The following KLHDC4 variants were observed in gnomAD, a reference collection of about 807,000 sequenced individuals.
KLHDC4 encodes kelch domain containing 4.
In KLHDC4, 90 loss-of-function variants were observed where a neutral mutation model predicts 62.4. That is an observed-to-expected ratio of 1.44 (90% CI 1.22 to 1.72). The LOEUF is 1.72. Among genes scored for constraint, KLHDC4 ranks in the 40% most tolerant of loss-of-function variants. KLHDC4 has a pLI of 0.00. For synonymous variants in KLHDC4, 386 were observed against 284.4 expected, an observed-to-expected ratio of 1.36 and a Z score of -3.59; for missense variants, 1,025 against 699.7, an observed-to-expected ratio of 1.47 and a Z score of -5.25.
At chr16:87,718,842 G>A (rs999105261) in intron 7 of KLHDC4, among the ~76,000 whole-genome samples, 44 of 150,716 alleles carry the variant, frequency 2.9e-4, no homozygotes, top group African/African-American at 8.8e-4. Flanking sequence ...CCGCCGCCCC[G>A]TCTGGGATGT....
chr16:87,750,046 A>G (rs1414583177), intron 4 of KLHDC4, among the ~76,000 whole-genome samples: 1 of 152,186 alleles, frequency 6.6e-6, no homozygotes, highest in East Asian at 1.9e-4. Context: ...CTGACGGGTC[A>G]TCAGACACCA....
intron 13 of KLHDC4, chr16:87,702,359 A>AGGGGCAGG (rs2034183937): frequency 2.3e-6 from 1 of 444,096 alleles, no homozygotes; most frequent in African/African-American, 2.0e-5. Flanking sequence ...GTGAGGGTGC[A>AGGGGCAGG]GGGGCAGGGG....
chr16:87,737,309 CA>C (rs892401896), intron 5 of KLHDC4, among the ~76,000 whole-genome samples: 3 of 151,886 alleles, frequency 2.0e-5, no homozygotes, highest in Non-Finnish European at 2.9e-5. Context: ...TACCCTAGGC[CA>C]GGGGCGGTGG....
At chr16:87,756,257 C>G in intron 3 of KLHDC4, 142 bp downstream of exon 3, 1 of 619,062 alleles carries the variant, frequency 1.6e-6, no homozygotes, top group Non-Finnish European at 2.9e-6. Context: ...CTGGCGACGT[C>G]TCACATCAGG....
intron 7 of KLHDC4, among the ~76,000 whole-genome samples, chr16:87,716,754 A>T (rs1427594827): frequency 6.6e-6 from 1 of 151,982 alleles, no homozygotes; most frequent in East Asian, 1.9e-4. Flanking sequence ...ACACGATGAA[A>T]CCCCATCTCT....
intron 5 of KLHDC4, among the ~76,000 whole-genome samples, chr16:87,743,890 C>G (rs541089331): frequency 1.3e-5 from 2 of 152,172 alleles, no homozygotes; most frequent in Admixed American, 6.5e-5. Context: ...CACAATGCTC[C>G]CGATGGGGAG....
chr16:87,707,289 T>A (rs76394369), downstream of KLHDC4, among the ~76,000 whole-genome samples: 1 of 152,328 alleles, frequency 6.6e-6, no homozygotes, highest in African/African-American at 2.4e-5. Flanking sequence ...TGTGGGGACG[T>A]TGGGAGCCCT....
chr16:87,757,118 A>C (rs879794835), intron 2 of KLHDC4, among the ~76,000 whole-genome samples: 1 of 151,872 alleles, frequency 6.6e-6, no homozygotes, highest in Non-Finnish European at 1.5e-5. Flanking sequence ...CCTGGACCTC[A>C]GAACTGTCCT....
At chr16:87,718,991 G>T (rs1358946769) in intron 7 of KLHDC4, among the ~76,000 whole-genome samples, 4 of 151,736 alleles carry the variant, frequency 2.6e-5, no homozygotes, top group East Asian at 2.0e-4. Context: ...CCGCCCGGCA[G>T]CCGCCCCCTC....
chr16:87,748,047 A>T (rs1201114586), intron 5 of KLHDC4, among the ~76,000 whole-genome samples: 1 of 152,158 alleles, frequency 6.6e-6, no homozygotes, highest in Non-Finnish European at 1.5e-5. Context: ...ATTCGACTAG[A>T]CTTCTTCTCT....
chr16:87,726,756 C>G lies in KLHDC4; in HGVS notation c.759+9G>C, dbSNP rs112664352. On this transcript the variant is annotated intron_variant, in intron 7 of 11. Coordinates refer to ENST00000270583, the MANE Select transcript of KLHDC4 (RefSeq NM_017566.4). ...CACGCCTTGCCTGTTTCCCCACCCC[C>G]CGCCTTACCTGTTTCGAGTAGCCCC... is the stretch of plus-strand genomic sequence containing the variant. The G allele has an allele frequency of 1.4e-3, 2,117 of 1,546,142 alleles. 41 individuals are homozygous for G. The South Asian group carries it at 0.024, about 17-fold the overall frequency.
intron 6 of KLHDC4, among the ~76,000 whole-genome samples, 196 bp from the exon 7 acceptor site, chr16:87,727,120 C>T (rs114631552): frequency 1.2e-3 from 180 of 152,276 alleles, no homozygotes; most frequent in African/African-American, 4.2e-3. Flanking sequence ...GAGCCAGAGA[C>T]GCCAGTCAGG....
intron 8 of KLHDC4, among the ~76,000 whole-genome samples, chr16:87,713,448 T>C (rs559372540): frequency 1.3e-5 from 2 of 152,046 alleles, no homozygotes; most frequent in East Asian, 3.9e-4. Context: ...TCCTCCCACC[T>C]CAGCCTCCCA....
At chr16:87,764,307 A>G (rs759211428) in intron 1 of KLHDC4, among the ~76,000 whole-genome samples, 1 of 152,146 alleles carries the variant, frequency 6.6e-6, no homozygotes, top group African/African-American at 2.4e-5. Context: ...TACTGTTACA[A>G]TCACCTTAGT....
chr16:87,746,349 CAAAGAGAGAAAGAGAGAGAGAGCGAG>C (rs1246511663), intron 5 of KLHDC4, among the ~76,000 whole-genome samples: 2 of 151,458 alleles, frequency 1.3e-5, no homozygotes, highest in East Asian at 3.9e-4. Context: ...GACAAGACCA[CAAAGAGAGAAAGAGAGAGAGAGCGAG>C]AAAGAGAGAA....
rs1310533175 is a variant in KLHDC4, at chr16:87,748,679, T to C, written c.500A>G (p.Gln167Arg). Residue 167 changes from glutamine (Q) to arginine (R), a missense_variant, in exon 5 of 12, where the codon CAA becomes CGA. Gln to Arg is a conservative substitution (Grantham distance 43). Transcript: ENST00000270583. Reference protein sequence around the residue: ...VLHLATKTWEQVKSTGGPSGR... With the variant: ...VLHLATKTWERVKSTGGPSGR... ...TTCTCATCTGGCTTCTTACTTGACT[T>C]GTTCCCAGGTCTTGGTGGCCAAATG... is the stretch of plus-strand genomic sequence containing the variant. The C allele has an allele frequency of 6.2e-7, 1 of 1,613,430 alleles. No homozygotes were observed. The highest frequency in any genetic ancestry group is 2.2e-5 in the East Asian group (1 of 44,864).
Position 87,748,660 on chromosome 16 carries a change from T to C in KLHDC4, c.506+13A>G, listed in dbSNP as rs1470413397. 1 of 1,613,462 alleles carries C rather than the reference T, an allele frequency of 6.2e-7. No individual in the cohort carries two copies. The highest frequency in any genetic ancestry group is 1.1e-5 in the South Asian group (1 of 91,010). On this transcript the variant is annotated intron_variant, in intron 5 of 11. Coordinates refer to ENST00000270583, the MANE Select transcript of KLHDC4 (RefSeq NM_017566.4). ...GCCATGCCCGGAGCTCAGCTTCTCA[T>C]CTGGCTTCTTACTTGACTTGTTCCC... is the stretch of plus-strand genomic sequence containing the variant.
chr16:87,756,518 G>A (rs764868526), intron 2 of KLHDC4, 41 bp from the exon 3 acceptor site: 36 of 1,442,440 alleles, frequency 2.5e-5, no homozygotes, highest in South Asian at 1.7e-4. Context: ...GATCACCCCC[G>A]ATACCCACCT....
intron 5 of KLHDC4, among the ~76,000 whole-genome samples, chr16:87,746,734 A>C (rs905322908): frequency 2.0e-5 from 3 of 152,242 alleles, no homozygotes; most frequent in Non-Finnish European, 2.9e-5. Flanking sequence ...TTCCTGCCCC[A>C]CCACTCCCTC....
Sources: allele counts gnomAD v4.1 joint callset (sites outside exome capture counted in the v4.1 genomes callset), GRCh38; gene constraint gnomAD v4.1.1; transcripts MANE v1.5; gene names NCBI Gene and HGNC (gene_info 2026-07-23, HGNC 2026-07-21).